The following STX7 variants were observed in gnomAD, a reference collection of about 807,000 sequenced individuals.
The protein encoded by STX7 is syntaxin 7, also known as syntaxin-7.
STX7 carries 34 observed loss-of-function variants against 39.6 expected under a neutral mutation model. That is an observed-to-expected ratio of 0.86 (90% CI 0.65 to 1.14). The LOEUF (loss-of-function observed/expected upper bound fraction) is 1.14. STX7 is among the 50% of genes most tolerant of loss of function. STX7 has a pLI of 0.00. For synonymous variants in STX7, 119 were observed against 99.1 expected, an observed-to-expected ratio of 1.20 and a Z score of -1.19; for missense variants, 284 against 310.4, an observed-to-expected ratio of 0.92 and a Z score of 0.64.
chr6:132,470,422 AT>A (rs1191480150), intron 6 of STX7, 151 bp downstream of exon 6: 2 of 446,684 alleles, frequency 4.5e-6, no homozygotes, highest in Non-Finnish European at 7.5e-6. Flanking sequence ...ATTACTTAAA[AT>A]TTTTTTCAAA....
At chr6:132,488,693 T>C (rs1265642616) in intron 2 of STX7, among the ~76,000 whole-genome samples, 1 of 152,174 alleles carries the variant, frequency 6.6e-6, no homozygotes, top group Admixed American at 6.6e-5. Flanking sequence ...TAAATATCAA[T>C]TGACAAAAGA....
chr6:132,483,921 C>A (rs1454647856), intron 2 of STX7, among the ~76,000 whole-genome samples: 3 of 152,128 alleles, frequency 2.0e-5, no homozygotes, highest in Non-Finnish European at 4.4e-5. Context: ...CATTATCTAG[C>A]CTTAGGTGCT....
chr6:132,446,593 G>A lies in STX7; in HGVS notation c.*14165C>T, dbSNP rs1774019572. 6.6e-6 allele frequency: 1 copy of A among 152,122 alleles called. No homozygotes were observed. Among genetic ancestry groups the A allele is most frequent in the Admixed American group, 6.5e-5 (1 of 15,270 alleles). 9.4% of individuals were successfully genotyped at this position (152,122 alleles called of 1,614,324 possible). On this transcript the variant is annotated 3_prime_UTR_variant, in exon 10 of 10. Coordinates refer to ENST00000367941, the MANE Select transcript of STX7 (RefSeq NM_003569.3). ...TTTCTCAGGGCCCAGCATTTATTAA[G>A]CACTCAGCAAATGCTTACTAAATGA... is the stretch of plus-strand genomic sequence containing the variant.
At chr6:132,472,011 G>T (rs1351929679) in intron 4 of STX7, among the ~76,000 whole-genome samples, 1 of 152,032 alleles carries the variant, frequency 6.6e-6, no homozygotes, top group Non-Finnish European at 1.5e-5. Context: ...CGGAAGGCCA[G>T]GAAATAATTA....
At position 132,453,221 on chromosome 6, in the gene STX7, C is replaced by T. The variant is rs1032854874; in HGVS notation, c.*7537G>A. On this transcript the variant is annotated 3_prime_UTR_variant, in exon 10 of 10. Coordinates refer to ENST00000367941, the MANE Select transcript of STX7 (RefSeq NM_003569.3). ...CAACAACAAAAAAAATGAACCCAGA[C>T]CTAAGTCTCACATTTTATACAAAAT... 9.9e-5 allele frequency: 15 copies of T among 152,098 alleles called. No individual in the cohort carries two copies. The highest frequency in any genetic ancestry group is 3.6e-4 in the African/African-American group (15 of 41,520). 9.4% of individuals were successfully genotyped at this position (152,098 alleles called of 1,614,324 possible). A position where few individuals can be genotyped will look rare whatever the true frequency, so the allele number is the denominator to read the frequency against.
intron 2 of STX7, among the ~76,000 whole-genome samples, chr6:132,493,874 C>A (rs1346696502): frequency 2.0e-5 from 3 of 152,140 alleles, no homozygotes; most frequent in African/African-American, 7.2e-5. Context: ...AGAGGGACAG[C>A]CTCACAGGGC....
At chr6:132,465,389 C>A (rs147776193) in intron 8 of STX7, among the ~76,000 whole-genome samples, 117 of 152,276 alleles carry the variant, frequency 7.7e-4, no homozygotes, top group African/African-American at 2.7e-3. Flanking sequence ...TATGGCATGT[C>A]CTCACTTCCC....
intron 2 of STX7, among the ~76,000 whole-genome samples, chr6:132,475,926 T>C (rs939925992): frequency 6.6e-6 from 1 of 152,146 alleles, no homozygotes; most frequent in Non-Finnish European, 1.5e-5. Flanking sequence ...TTCTTCCTTA[T>C]CCCATCAGGA....
At chr6:132,489,201 A>T (rs1040645150) in intron 2 of STX7, among the ~76,000 whole-genome samples, 1 of 86,790 alleles carries the variant, frequency 1.2e-5, no homozygotes, top group South Asian at 4.0e-4. Flanking sequence ...ACTCTGTCTT[A>T]AAAAAAAAAA....
intron 9 of STX7, chr6:132,461,979 T>TG: frequency 5.3e-6 from 5 of 937,234 alleles, no homozygotes; most frequent in Non-Finnish European, 7.8e-6. Flanking sequence ...AGTTTGAATA[T>TG]TCCACATATT....
At chr6:132,484,587 C>T (rs559225685) in intron 2 of STX7, among the ~76,000 whole-genome samples, 1 of 152,240 alleles carries the variant, frequency 6.6e-6, no homozygotes, top group African/African-American at 2.4e-5. Flanking sequence ...GAATAGCTAT[C>T]TTCTCTTTTA....
chr6:132,501,588 C>T (rs1397935606), intron 2 of STX7, among the ~76,000 whole-genome samples: 1 of 152,118 alleles, frequency 6.6e-6, no homozygotes, highest in Non-Finnish European at 1.5e-5. Flanking sequence ...CATGTTCACA[C>T]ACAATCTTCA....
In STX7 at chr6:132,468,477, T is replaced by TC; in HGVS notation, c.538-3_538-2insG. ...TTCATTAATATCCATAATATCAGCC[T>TC]AAGAGAAAACGCATATATTATTATA... On this transcript the variant is annotated splice_polypyrimidine_tract_variant and splice_region_variant and intron_variant, in intron 7 of 9. Transcript: ENST00000367941. The TC allele has an allele frequency of 6.3e-7, 1 of 1,594,268 alleles. No homozygotes were observed. The highest frequency in any genetic ancestry group is 8.6e-7 in the Non-Finnish European group (1 of 1,169,468).
At chr6:132,480,523 G>A (rs527883202) in intron 2 of STX7, among the ~76,000 whole-genome samples, 4 of 152,286 alleles carry the variant, frequency 2.6e-5, no homozygotes, top group African/African-American at 4.8e-5. Context: ...AAACAATCAC[G>A]TTTTCAAGAC....
At chr6:132,497,209 A>C (rs989804082) in intron 2 of STX7, among the ~76,000 whole-genome samples, 1 of 152,214 alleles carries the variant, frequency 6.6e-6, no homozygotes, top group Non-Finnish European at 1.5e-5. Flanking sequence ...AGAATAAATA[A>C]ATTGTAGTAT....
At position 132,501,697 on chromosome 6, in the gene STX7, C is replaced by T. The variant is rs1268468527; in HGVS notation, c.85+1749G>A. ...TCAATTCCTAACACTGTTTAGCTTT[C>T]CCAACACAGGATGCTTATCCTCTTC... is the stretch of plus-strand genomic sequence containing the variant. On this transcript the variant is annotated intron_variant, in intron 2 of 9. Coordinates refer to ENST00000367941, the MANE Select transcript of STX7 (RefSeq NM_003569.3). 2.6e-5 allele frequency among the ~76,000 whole-genome samples: 4 copies of T among 152,264 alleles called. No individual in the cohort carries two copies. The East Asian group carries it at 5.8e-4, about 22-fold the overall frequency.
chr6:132,491,026 G>GCACAGCACAGCACAGCAC (rs1562334461), intron 2 of STX7, among the ~76,000 whole-genome samples: 5 of 68,928 alleles, frequency 7.3e-5, no homozygotes, highest in Non-Finnish European at 1.1e-4. Context: ...CAGCACAGCA[G>GCACAGCACAGCACAGCAC]AGAGAATAGA....
At chr6:132,463,254 G>A (rs1348164254) in intron 9 of STX7, among the ~76,000 whole-genome samples, 1 of 152,024 alleles carries the variant, frequency 6.6e-6, no homozygotes, top group Non-Finnish European at 1.5e-5. Flanking sequence ...ATGAATGATA[G>A]CAACAAAGGA....
intron 2 of STX7, among the ~76,000 whole-genome samples, chr6:132,495,688 C>A (rs1427392574): frequency 1.3e-5 from 2 of 152,078 alleles, no homozygotes; most frequent in East Asian, 3.9e-4. Context: ...TTTGTGCAGT[C>A]ATGTGTTAAA....
Sources: gnomAD v4.1 joint callset for allele counts (sites outside exome capture counted in the v4.1 genomes callset) on GRCh38, gnomAD v4.1.1 for gene constraint, MANE v1.5 for transcripts, NCBI Gene and HGNC (gene_info 2026-07-23, HGNC 2026-07-21) for gene names.